The following AHNAK variants were observed in gnomAD, a reference collection of about 807,000 sequenced individuals.
AHNAK encodes the protein neuroblast differentiation-associated protein AHNAK.
A neutral mutation model predicts 37.8 loss-of-function variants in AHNAK; 23 were observed. That is an observed-to-expected ratio of 0.61 (90% confidence interval 0.44 to 0.86). The LOEUF is 0.86. Among genes scored for constraint, AHNAK ranks in the 40% least tolerant of loss-of-function variants. The pLI, the probability that AHNAK is intolerant of heterozygous loss-of-function variation, is 0.00. For missense variants in AHNAK, 7,411 were observed against 7,319.4 expected (o/e 1.01, Z -0.46); for synonymous variants, 2,481 against 2,636.3 (o/e 0.94, Z 1.80).
chr11:62,530,832 G>A lies in AHNAK; in HGVS notation c.3585C>T (p.Ile1195=). The A allele has an allele frequency of 6.2e-7, 1 of 1,613,948 alleles. No homozygotes were observed. The highest frequency in any genetic ancestry group is 2.2e-5 in the East Asian group (1 of 44,854). Reference sequence around the variant, plus strand: ...AGTGTAAGTCCACATCAGGCATGGAGATCTTGGGGGTCTTGAAATGCATCT... The same window carrying A: ...AGTGTAAGTCCACATCAGGCATGGAAATCTTGGGGGTCTTGAAATGCATCT... ...MPEMHFKTPK[I]SMPDVDLHLK... The change falls in exon 5 of 5, where the codon ATC becomes ATT. Residue 1195 remains isoleucine (I), a synonymous_variant. Transcript: ENST00000378024.
intron 5 of AHNAK, among the ~76,000 whole-genome samples, chr11:62,451,083 C>CTT (rs555597390): frequency 7.1e-6 from 1 of 140,246 alleles, no homozygotes; most frequent in African/African-American, 2.6e-5. Context: ...TTCCTGGAAT[C>CTT]TTTTTTTTTT....
chr11:62,488,487 C>T (rs528321395), intron 5 of AHNAK, among the ~76,000 whole-genome samples: 65 of 151,920 alleles, frequency 4.3e-4, no homozygotes, highest in Admixed American at 2.6e-3. Flanking sequence ...CTGCAGCCTC[C>T]GCCCCCTGGG....
At chr11:62,463,606 G>C (rs926341307) in intron 5 of AHNAK, among the ~76,000 whole-genome samples, 3 of 152,092 alleles carry the variant, frequency 2.0e-5, no homozygotes, top group African/African-American at 7.2e-5. Context: ...ACATCCCACT[G>C]TGCGTGCTGT....
At chr11:62,537,671 C>A (rs1464600855) in intron 1 of AHNAK, among the ~76,000 whole-genome samples, 3 of 151,764 alleles carry the variant, frequency 2.0e-5, no homozygotes, top group Admixed American at 1.3e-4. Flanking sequence ...GGGCTTGGAC[C>A]CGAGTCTGTA....
Position 62,519,791 on chromosome 11 carries a change from C to T in AHNAK, c.14626G>A (p.Gly4876Arg). The change falls in exon 5 of 5, where the codon GGG becomes AGG. Residue 4876 changes from glycine (G) to arginine (R), a missense_variant. Transcript: ENST00000378024. ...DFDVSVPKVE[G>R]TLKGPEVDLK... is the part of the protein sequence containing the mutation. ...TCTACTTCTGGGCCTTTCAAAGTCC[C>T]TTCAACCTTAGGGACAGACACATCA... is the stretch of plus-strand genomic sequence containing the variant. 1 of 1,613,760 alleles carries T rather than the reference C, an allele frequency of 6.2e-7. No individual in the cohort carries two copies. Among genetic ancestry groups the T allele is most frequent in the Non-Finnish European group, 8.5e-7 (1 of 1,179,808 alleles).
intron 4 of AHNAK, among the ~76,000 whole-genome samples, chr11:62,492,203 A>G (rs11231110): frequency 0.15 from 22,088 of 152,166 alleles, 3,955 homozygotes; most frequent in African/African-American, 0.42. Context: ...CTGAGGAACA[A>G]TGTGTAAGAA....
chr11:62,524,487 A>G lies in AHNAK; in HGVS notation c.9930T>C (p.Asp3310=). Residue 3310 remains aspartate (D), a synonymous_variant, in exon 5 of 5, where the codon GAT becomes GAC. Transcript: ENST00000378024. Reference sequence around the variant, plus strand: ...CCAACTTGGGCCCAGAGACATCAACATCTCCCTTAAGCTTTGAGCCTTTCA... The same window carrying G: ...CCAACTTGGGCCCAGAGACATCAACGTCTCCCTTAAGCTTTGAGCCTTTCA... ...LNLKGSKLKG[D]VDVSGPKLEG... is the part of the protein sequence containing the mutation. 3 of 1,614,022 alleles carry G rather than the reference A, an allele frequency of 1.9e-6. No individual in the cohort carries two copies. The highest frequency in any genetic ancestry group is 2.5e-6 in the Non-Finnish European group (3 of 1,179,976).
At chr11:62,545,319 G>A (rs1941272118) in intron 1 of AHNAK, among the ~76,000 whole-genome samples, 1 of 152,214 alleles carries the variant, frequency 6.6e-6, no homozygotes, top group African/African-American at 2.4e-5. Flanking sequence ...TGGGGCCTCG[G>A]CTACAGCTGA....
downstream of AHNAK, chr11:62,515,824 G>C (rs915310240): frequency 1.1e-5 from 11 of 1,012,408 alleles, no homozygotes; most frequent in African/African-American, 2.3e-4. Flanking sequence ...GATGGATCCG[G>C]TCTGAACACT....
Position 62,527,578 on chromosome 11 carries a change from T to A in AHNAK, c.6839A>T (p.Asp2280Val). 6.2e-7 allele frequency: 1 copy of A among 1,613,510 alleles called. No homozygotes were observed. Among genetic ancestry groups the A allele is most frequent in the Non-Finnish European group, 8.5e-7 (1 of 1,179,888 alleles). ...ADVDVSGPKV[D>V]VEVPDVSLEG... ...AAGGCTCACATCTGGGACTTCAACA[T>A]CCACCTTGGGTCCTGAGACATCAAC... The change falls in exon 5 of 5, where the codon GAT becomes GTT. Residue 2280 changes from aspartate to valine, a missense_variant. Asp to Val is a radical substitution (Grantham distance 152). Coordinates refer to ENST00000378024, the MANE Select transcript of AHNAK (RefSeq NM_001620.3).
At chr11:62,462,618 T>TA (rs1938816874) in intron 5 of AHNAK, among the ~76,000 whole-genome samples, 1 of 152,168 alleles carries the variant, frequency 6.6e-6, no homozygotes, top group Non-Finnish European at 1.5e-5. Flanking sequence ...TTAATCCAGA[T>TA]CTTCTAACGC....
intron 4 of AHNAK, 28 bp downstream of exon 4, chr11:62,534,975 G>A (rs763596029): frequency 6.3e-7 from 1 of 1,590,012 alleles, no homozygotes; most frequent in African/African-American, 1.3e-5. Flanking sequence ...GGGAGCTCAG[G>A]GCACAGATGG....
chr11:62,523,490 G>T lies in AHNAK; in HGVS notation c.10927C>A (p.Pro3643Thr), dbSNP rs566830952. 37 of 1,613,754 alleles carry T rather than the reference G, an allele frequency of 2.3e-5. No homozygotes were observed. The highest frequency in any genetic ancestry group is 3.1e-5 in the Non-Finnish European group (36 of 1,179,990). The change falls in exon 5 of 5, where the codon CCA becomes ACA. Residue 3643 changes from proline to threonine, a missense_variant. By Grantham distance (38) the Pro-to-Thr change is conservative. Transcript: ENST00000378024. ...TCTGGACCTTCAATATTCACGTCTG[G>T]AACATCAACGTCTACATTGGGACCA... Reference protein sequence around the residue: ...ISGPNVDVDVPDVNIEGPDAK... With the variant: ...ISGPNVDVDVTDVNIEGPDAK...
chr11:62,513,813 T>C (rs1369587545), downstream of AHNAK, among the ~76,000 whole-genome samples: 2 of 152,188 alleles, frequency 1.3e-5, no homozygotes, highest in African/African-American at 4.8e-5. Context: ...AGTTGCCTTG[T>C]CCCTTCTCCA....
At chr11:62,439,175 G>T (rs1938245146) in intron 5 of AHNAK, among the ~76,000 whole-genome samples, 2 of 142,250 alleles carry the variant, frequency 1.4e-5, no homozygotes, top group African/African-American at 5.2e-5. Context: ...CTCACTGCAA[G>T]CTCTGACCAC....
chr11:62,451,305 G>C (rs1938532559), intron 5 of AHNAK, among the ~76,000 whole-genome samples: 1 of 150,900 alleles, frequency 6.6e-6, no homozygotes. Context: ...TTCCCATCCA[G>C]GACCCTCCTC....
intron 2 of AHNAK, 148 bp from the exon 3 acceptor site, chr11:62,536,246 G>A (rs1940943860): frequency 9.0e-6 from 7 of 779,882 alleles, no homozygotes; most frequent in Non-Finnish European, 1.3e-5. Flanking sequence ...CACCTGCCAG[G>A]TGAGGTGTTG....
intron 5 of AHNAK, among the ~76,000 whole-genome samples, chr11:62,470,176 A>T (rs550915956): frequency 6.6e-5 from 10 of 152,234 alleles, no homozygotes; most frequent in Admixed American, 2.0e-4. Flanking sequence ...GGCCAGGTGC[A>T]GTGGCTCACG....
chr11:62,446,092 T>G (rs1938418234), intron 5 of AHNAK, among the ~76,000 whole-genome samples: 1 of 152,090 alleles, frequency 6.6e-6, no homozygotes, highest in South Asian at 2.1e-4. Context: ...CAGGGAGGGA[T>G]GCAGGAGGGG....
Sources: allele counts gnomAD v4.1 joint callset (sites outside exome capture counted in the v4.1 genomes callset), GRCh38; gene constraint gnomAD v4.1.1; transcripts MANE v1.5; gene names NCBI Gene and HGNC (gene_info 2026-07-23, HGNC 2026-07-21).